The following MYO16 variants were observed in gnomAD, a reference collection of about 807,000 sequenced individuals.
MYO16 encodes unconventional myosin-XVI.
Under a neutral mutation model 205.3 loss-of-function variants are expected in MYO16, and 94 were observed. That is an observed-to-expected ratio of 0.46 (90% CI 0.39 to 0.54). The LOEUF (loss-of-function observed/expected upper bound fraction) is 0.54, where lower values mean the gene tolerates loss of function less well. Ranked by LOEUF, MYO16 falls within the 20% of genes least tolerant of loss-of-function variation. The pLI is 0.00. For synonymous variants in MYO16, 988 were observed against 954.0 expected (o/e 1.04, Z -0.66); for missense variants, 2,315 against 2,387.5 (o/e 0.97, Z 0.63).
intron 10 of MYO16, among the ~76,000 whole-genome samples, chr13:108,853,954 T>TGTGTGTGTGTG (rs143412032): frequency 7.2e-6 from 1 of 138,498 alleles, no homozygotes; most frequent in Non-Finnish European, 1.5e-5. Context: ...GTTTCTATTA[T>TGTGTGTGTGTG]TGTGTGTGTG....
intron 3 of MYO16, among the ~76,000 whole-genome samples, chr13:108,718,356 G>A (rs1293225425): frequency 6.6e-6 from 1 of 152,052 alleles, no homozygotes. Context: ...AAAAGAGCAA[G>A]AGCTACAAGG....
chr13:108,633,583 A>T (rs575052184), intron 1 of MYO16, among the ~76,000 whole-genome samples: 1 of 152,306 alleles, frequency 6.6e-6, no homozygotes, highest in African/African-American at 2.4e-5. Flanking sequence ...TGCCTCTCCC[A>T]GTCCACTGAC....
chr13:108,914,010 C>T (rs1210643064), intron 16 of MYO16, among the ~76,000 whole-genome samples: 1 of 152,054 alleles, frequency 6.6e-6, no homozygotes. Context: ...TGGAGTCTCT[C>T]TGAATCTGCT....
At chr13:108,985,743 C>T (rs1594447589) in intron 20 of MYO16, among the ~76,000 whole-genome samples, 1 of 152,272 alleles carries the variant, frequency 6.6e-6, no homozygotes, top group Middle Eastern at 3.4e-3. Flanking sequence ...ATTCTAACAT[C>T]GTGTTTGATT....
intron 2 of MYO16, among the ~76,000 whole-genome samples, chr13:108,704,774 T>C (rs1265679076): frequency 1.3e-5 from 2 of 150,674 alleles, no homozygotes; most frequent in Admixed American, 6.6e-5. Flanking sequence ...TATTCAAAAA[T>C]GAAAAAAAGT....
intron 34 of MYO16, among the ~76,000 whole-genome samples, chr13:109,196,000 C>T (rs981611394): frequency 1.3e-5 from 2 of 152,064 alleles, no homozygotes; most frequent in African/African-American, 4.8e-5. Context: ...CTTTAGATCA[C>T]GTTGTATTTT....
chr13:109,187,140 G>T (rs1275746157), intron 34 of MYO16, among the ~76,000 whole-genome samples: 2 of 152,082 alleles, frequency 1.3e-5, no homozygotes, highest in African/African-American at 4.8e-5. Context: ...TCTCAGACTT[G>T]TTAATCCAAA....
the MYO16 span, among the ~76,000 whole-genome samples, chr13:108,509,688 C>T: frequency 2.7e-4 from 41 of 152,174 alleles, no homozygotes; most frequent in Non-Finnish European, 1.5e-4. Context: ...AGAAGATATA[C>T]CTAATGTTAA....
the MYO16 span, among the ~76,000 whole-genome samples, chr13:108,562,489 T>C: frequency 2.0e-4 from 30 of 152,296 alleles, no homozygotes; most frequent in African/African-American, 7.0e-4. Flanking sequence ...GGTCCACCAT[T>C]GGATGCAGGT....
chr13:109,188,166 G>T (rs1376400987), intron 34 of MYO16, among the ~76,000 whole-genome samples: 1 of 151,814 alleles, frequency 6.6e-6, no homozygotes, highest in Non-Finnish European at 1.5e-5. Context: ...CCATTATTTT[G>T]TTCATTGTCT....
chr13:108,816,199 T>C (rs1021815087), intron 7 of MYO16, among the ~76,000 whole-genome samples: 1 of 152,098 alleles, frequency 6.6e-6, no homozygotes, highest in South Asian at 2.1e-4. Context: ...TAGTATAATA[T>C]TATGATGAAC....
chr13:109,092,115 A>G (rs899097139), intron 27 of MYO16, among the ~76,000 whole-genome samples: 2 of 152,250 alleles, frequency 1.3e-5, no homozygotes, highest in Admixed American at 6.5e-5. Flanking sequence ...CACTGAAACA[A>G]CATAAGTTTT....
At position 108,874,685 on chromosome 13, in the gene MYO16, TTCATCA is replaced by T. The variant is rs375128929; in HGVS notation, c.1426-8366_1426-8361del. On this transcript the variant is annotated intron_variant, in intron 12 of 34. Transcript: ENST00000457511. ...AGTGCTGCGCCCAGAGGCAGACAGT[TTCATCA>T]TCATCATTATTATTATTATTATTAT... is the stretch of plus-strand genomic sequence containing the variant. Among the ~76,000 whole-genome samples the T allele has an allele frequency of 7.3e-3, 916 of 126,064 alleles. 9 individuals are homozygous for T. Among genetic ancestry groups the T allele is most frequent in the African/African-American group, 0.023 (859 of 37,078 alleles). 82.7% of individuals were successfully genotyped at this position (126,064 alleles called of 152,430 possible).
intron 24 of MYO16, among the ~76,000 whole-genome samples, chr13:109,049,972 G>GTGTA (rs1555327554): frequency 0.13 from 16,533 of 131,240 alleles, 2,005 homozygotes; most frequent in East Asian, 0.34. Flanking sequence ...GTGTGTGTGT[G>GTGTA]TGTGTTTACT....
intron 1 of MYO16, among the ~76,000 whole-genome samples, chr13:108,610,373 C>T (rs368372448): frequency 4.6e-5 from 7 of 152,086 alleles, no homozygotes; most frequent in Non-Finnish European, 8.8e-5. Context: ...TTAATGATTA[C>T]GCTGCACTAG....
chr13:108,693,871 C>T (rs970293333), intron 2 of MYO16, among the ~76,000 whole-genome samples: 2 of 152,170 alleles, frequency 1.3e-5, no homozygotes, highest in East Asian at 3.9e-4. Flanking sequence ...ACCTTTCACC[C>T]TCCAGTTGGC....
intron 1 of MYO16, among the ~76,000 whole-genome samples, chr13:108,616,703 C>G (rs1879361838): frequency 6.6e-6 from 1 of 152,054 alleles, no homozygotes; most frequent in Admixed American, 6.5e-5. Context: ...TTAGAAACTA[C>G]TTATTGTTTT....
chr13:108,775,245 TCA>T (rs1366008121), intron 4 of MYO16, among the ~76,000 whole-genome samples: 1 of 152,228 alleles, frequency 6.6e-6, no homozygotes, highest in Non-Finnish European at 1.5e-5. Flanking sequence ...CATTTTTCTC[TCA>T]GTTTTTTTAT....
At chr13:109,123,707 T>C (rs1216098920) in intron 29 of MYO16, among the ~76,000 whole-genome samples, 1 of 152,210 alleles carries the variant, frequency 6.6e-6, no homozygotes, top group Non-Finnish European at 1.5e-5. Context: ...AAAAACGCTT[T>C]CAGCATTTCA....
Sources: gnomAD v4.1 joint callset for allele counts (sites outside exome capture counted in the v4.1 genomes callset) on GRCh38, gnomAD v4.1.1 for gene constraint, MANE v1.5 for transcripts, NCBI Gene and HGNC (gene_info 2026-07-23, HGNC 2026-07-21) for gene names.